The following CCDC40 variants were observed in gnomAD, a reference collection of about 807,000 sequenced individuals.
CCDC40 encodes coiled-coil domain-containing protein 40.
In CCDC40, 104 loss-of-function variants were observed where a neutral mutation model predicts 124.5. The observed-to-expected ratio is 0.84, with a 90% CI of 0.71 to 0.98. CCDC40 has a LOEUF of 0.98. Among genes scored for constraint, CCDC40 ranks in the 50% least tolerant of loss-of-function variants. The pLI is 0.00. For missense variants in CCDC40, 1,463 were observed against 1,503.9 expected (o/e 0.97, Z 0.45); for synonymous variants, 580 against 602.9 (o/e 0.96, Z 0.56).
chr17:80,068,536 A>G (rs1340678413), intron 10 of CCDC40, among the ~76,000 whole-genome samples: 2 of 152,120 alleles, frequency 1.3e-5, no homozygotes, highest in African/African-American at 2.4e-5. Context: ...TACCTCAAAT[A>G]TTGACCTTGA....
Position 80,058,097 on chromosome 17 carries a change from C to T in CCDC40, c.1160-397C>T, listed in dbSNP as rs2037797833. Among the ~76,000 whole-genome samples the T allele has an allele frequency of 6.6e-6, 1 of 152,108 alleles. No individual in the cohort carries two copies. Among genetic ancestry groups the T allele is most frequent in the African/African-American group, 2.4e-5 (1 of 41,408 alleles). The stretch of plus-strand genomic sequence containing the variant: ...CTCAGCCTGCCCTGGATGTTCTCGT[C>T]TCCTCCCAGGGGACTTAAGACTCCA... On this transcript the variant is annotated intron_variant, in intron 7 of 19. Coordinates refer to ENST00000397545, the MANE Select transcript of CCDC40 (RefSeq NM_017950.4). The surrounding 1 kb of genome is among the most constrained non-coding windows in gnomAD (Gnocchi z 4.2).
At chr17:80,059,302 C>G (rs1349585952) in intron 9 of CCDC40, among the ~76,000 whole-genome samples, 1 of 152,114 alleles carries the variant, frequency 6.6e-6, no homozygotes, top group Non-Finnish European at 1.5e-5. Flanking sequence ...GGGACCTCTT[C>G]CGGGGAGGAC....
intron 10 of CCDC40, among the ~76,000 whole-genome samples, chr17:80,075,226 A>G (rs2038283187): frequency 6.6e-6 from 1 of 151,098 alleles, no homozygotes; most frequent in South Asian, 2.1e-4. Context: ...CAGCCTCCCA[A>G]AGTGCTGGGA....
chr17:80,083,804 G>T (rs1316337355), intron 12 of CCDC40, among the ~76,000 whole-genome samples: 31 of 152,196 alleles, frequency 2.0e-4, no homozygotes. Flanking sequence ...CAGCAGGAGG[G>T]GTCAGAACGC....
At chr17:80,036,725 T>A in intron 1 of CCDC40, 34 bp downstream of exon 1, 1 of 1,452,762 alleles carries the variant, frequency 6.9e-7, no homozygotes, top group Non-Finnish European at 9.1e-7. Context: ...GGTCTTGGAG[T>A]CGCCAGGCCG....
chr17:80,054,745 G>A (rs1425187370), intron 7 of CCDC40, among the ~76,000 whole-genome samples: 1 of 152,140 alleles, frequency 6.6e-6, no homozygotes, highest in African/African-American at 2.4e-5. Context: ...AGGCCGAGGC[G>A]GGCAGATTAC....
chr17:80,045,731 T>C (rs1409154145), intron 3 of CCDC40, among the ~76,000 whole-genome samples: 1 of 150,774 alleles, frequency 6.6e-6, no homozygotes, highest in East Asian at 1.9e-4. Context: ...CAAAAAACGC[T>C]GAAAAACAGA....
In CCDC40 at chr17:80,048,579, C is replaced by G. The variant is rs2289530; in HGVS notation, c.677-4C>G. The G allele has an allele frequency of 0.24, 382,464 of 1,611,000 alleles. 47,727 individuals are homozygous for G. The highest frequency in any genetic ancestry group is 0.33 in the East Asian group (14,891 of 44,808). On this transcript the variant is annotated splice_region_variant and splice_polypyrimidine_tract_variant and intron_variant, in intron 4 of 19. Transcript: ENST00000397545. The stretch of plus-strand genomic sequence containing the variant: ...CTCAATGGTGTCGCTGTCTCTCCCC[C>G]CAGTGATCCCCCCAGGGGTGCCCGA...
In CCDC40 at chr17:80,047,401, A is replaced by G; in HGVS notation, c.675A>G (p.Pro225=). 1 of 1,611,954 alleles carries G rather than the reference A, an allele frequency of 6.2e-7. No individual in the cohort carries two copies. Among genetic ancestry groups the G allele is most frequent in the South Asian group, 1.1e-5 (1 of 90,774 alleles). Residue 225 remains proline (P), a splice_region_variant and synonymous_variant, in exon 4 of 20, where the codon CCA becomes CCG. Coordinates refer to ENST00000397545, the MANE Select transcript of CCDC40 (RefSeq NM_017950.4). ...TGGAGGAGTTCGTCTCGCAGGAGCC[A>G]GGTGCCACCCACCTGCTGAGGTCAC... ...SDLEEFVSQE[P]VIPPGVPDAH...
At chr17:80,090,795 G>T in intron 17 of CCDC40, 2 of 1,255,616 alleles carry the variant, frequency 1.6e-6, no homozygotes, top group South Asian at 2.2e-5. Flanking sequence ...AAAATAAATG[G>T]GCCTCACTTT....
In CCDC40 at chr17:80,039,937, G is replaced by A. The variant is rs1315301607; in HGVS notation, c.219G>A (p.Gly73=). 3 of 1,613,252 alleles carry A rather than the reference G, an allele frequency of 1.9e-6. No homozygotes were observed. Among genetic ancestry groups the A allele is most frequent in the East Asian group, 4.5e-5 (2 of 44,862 alleles). The change falls in exon 3 of 20, where the codon GGG becomes GGA. Residue 73 remains glycine (G), a synonymous_variant. Transcript: ENST00000397545. ...AIEEGEVETE[G]EAAVEGEEEA... is the part of the protein sequence containing the mutation. ...AAGAGGGGGAGGTGGAGACAGAAGG[G>A]GAAGCAGCAGTGGAAGGGGAAGAGG...
intron 4 of CCDC40, chr17:80,048,251 CTCTG>C (rs2037481832): frequency 3.0e-5 from 11 of 365,208 alleles, no homozygotes; most frequent in South Asian, 1.3e-4. Flanking sequence ...CAGAGCAAGA[CTCTG>C]TCTGGGGATA....
rs976460197 is a variant in CCDC40, at chr17:80,050,260, C to G, written c.1136C>G (p.Ala379Gly). The G allele has an allele frequency of 6.3e-7, 1 of 1,576,082 alleles. No homozygotes were observed. Among genetic ancestry groups the G allele is most frequent in the Non-Finnish European group, 8.6e-7 (1 of 1,162,538 alleles). The change falls in exon 7 of 20, where the codon GCC (alanine) becomes GGC (glycine). Residue 379 changes from alanine to glycine, a missense_variant. Physicochemically the swap from Ala to Gly is moderately conservative, Grantham distance 60 (BLOSUM62 0). Coordinates refer to ENST00000397545, the MANE Select transcript of CCDC40 (RefSeq NM_017950.4). ...ARALYTKTCAAANEERKKLAA... is the reference protein window; with the variant it reads ...ARALYTKTCAGANEERKKLAA... Reference sequence around the variant, plus strand: ...GCTCTCTACACCAAGACCTGCGCAGCCGCCAACGAGGAGCGCAAAAAGTGT... The same window carrying G: ...GCTCTCTACACCAAGACCTGCGCAGGCGCCAACGAGGAGCGCAAAAAGTGT...
In CCDC40 at chr17:80,099,884, A is replaced by C; in HGVS notation, c.*109A>C. 2 of 1,240,456 alleles carry C rather than the reference A, an allele frequency of 1.6e-6. No individual in the cohort carries two copies. Among genetic ancestry groups the C allele is most frequent in the Non-Finnish European group, 2.3e-6 (2 of 876,650 alleles). The allele number at this position is 1,240,456 out of a possible 1,614,324, so 76.8% of individuals were successfully genotyped here. On this transcript the variant is annotated 3_prime_UTR_variant, in exon 20 of 20. Coordinates refer to ENST00000397545, the MANE Select transcript of CCDC40 (RefSeq NM_017950.4). ...GTTCCTAAAAACCACATGTACCCTC[A>C]GAAGGGCATCGTTTAAGAGAAATAA...
At chr17:80,038,213 C>T (rs771030184) in intron 2 of CCDC40, 27 bp downstream of exon 2, 15 of 1,441,702 alleles carry the variant, frequency 1.0e-5, no homozygotes, top group South Asian at 3.4e-5. Context: ...GCAGTTATTC[C>T]GGGCTTATAT....
intron 4 of CCDC40, 190 bp from the exon 5 acceptor site, chr17:80,048,393 C>A: frequency 1.5e-6 from 1 of 645,426 alleles, no homozygotes; most frequent in South Asian, 1.7e-5. Flanking sequence ...CTCTGGGATG[C>A]ATTGAGTCAG....
intron 7 of CCDC40, chr17:80,051,191 ATAATGG>A (rs2037578923): frequency 3.7e-5 from 9 of 241,302 alleles, no homozygotes; most frequent in Non-Finnish European, 5.3e-5. Flanking sequence ...TATTACTCTT[ATAATGG>A]GGAAATGACC....
intron 3 of CCDC40, among the ~76,000 whole-genome samples, chr17:80,042,054 G>A (rs1568669404): frequency 6.6e-6 from 1 of 152,148 alleles, no homozygotes; most frequent in African/African-American, 2.4e-5. Flanking sequence ...CAGTTATTGA[G>A]GACTTCTTAT....
chr17:80,044,832 G>A (rs1486831706), intron 3 of CCDC40, among the ~76,000 whole-genome samples: 1 of 151,792 alleles, frequency 6.6e-6, no homozygotes, highest in Non-Finnish European at 1.5e-5. Context: ...CTTGGGCCTA[G>A]TTTCTAGAAA....
Sources: allele counts gnomAD v4.1 joint callset (sites outside exome capture counted in the v4.1 genomes callset), GRCh38; gene constraint gnomAD v4.1.1; non-coding constraint Gnocchi (gnomAD v3.1); transcripts MANE v1.5; gene names NCBI Gene and HGNC (gene_info 2026-07-23, HGNC 2026-07-21).